The following CTXN2 variants were observed in gnomAD, a reference collection of about 807,000 sequenced individuals.
CTXN2 encodes cortexin 2.
In CTXN2, 3 loss-of-function variants were observed where a neutral mutation model predicts 5.7. The ratio of observed to expected loss-of-function variants is 0.53; its 90% CI spans 0.24 to 1.36. CTXN2 has a LOEUF of 1.36. Among genes scored for constraint, CTXN2 ranks in the 40% most tolerant of loss-of-function variants. The probability of loss-of-function intolerance (pLI) is 0.17; values close to 1 mark genes in which losing one functional copy is unlikely to be tolerated. For synonymous variants in CTXN2, 38 were observed against 36.4 expected, an observed-to-expected ratio of 1.04 and a Z score of -0.16; for missense variants, 87 against 93.0, an observed-to-expected ratio of 0.94 and a Z score of 0.26.
At chr15:48,194,593 C>T (rs1251163631) in intron 1 of CTXN2, among the ~76,000 whole-genome samples, 5 of 152,090 alleles carry the variant, frequency 3.3e-5, no homozygotes, top group African/African-American at 1.2e-4. Flanking sequence ...GCCCTAGCCT[C>T]CTTTATTATA....
chr15:48,183,144 C>T (rs2040714753), intron 1 of CTXN2, among the ~76,000 whole-genome samples: 3 of 152,140 alleles, frequency 2.0e-5, no homozygotes, highest in South Asian at 2.1e-4. Flanking sequence ...AGGGCAAAAA[C>T]GATGCTAAGT....
At chr15:48,192,845 G>A (rs2040837020) in intron 1 of CTXN2, among the ~76,000 whole-genome samples, 1 of 152,042 alleles carries the variant, frequency 6.6e-6, no homozygotes, top group South Asian at 2.1e-4. Context: ...TCTTTAATGG[G>A]TACACACTTT....
chr15:48,192,064 A>G (rs1366159462), intron 1 of CTXN2: 2 of 303,210 alleles, frequency 6.6e-6, no homozygotes, highest in Admixed American at 8.1e-5. Flanking sequence ...TGCTAGCGCC[A>G]CTGCTGATGC....
intron 1 of CTXN2, among the ~76,000 whole-genome samples, chr15:48,198,324 C>T (rs2040898289): frequency 6.6e-6 from 1 of 151,976 alleles, no homozygotes; most frequent in Non-Finnish European, 1.5e-5. Flanking sequence ...TATCTAAAAA[C>T]TAGAGTTTTG....
upstream of CTXN2, among the ~76,000 whole-genome samples, chr15:48,188,526 T>C (rs1198417136): frequency 6.6e-6 from 1 of 152,322 alleles, no homozygotes; most frequent in Middle Eastern, 3.4e-3. Flanking sequence ...ACCAACACTT[T>C]AGTAACAGCT....
upstream of CTXN2, among the ~76,000 whole-genome samples, chr15:48,191,282 C>T (rs1403309593): frequency 6.6e-6 from 1 of 152,134 alleles, no homozygotes; most frequent in Non-Finnish European, 1.5e-5. Context: ...CGCAGCACAG[C>T]CAGGAATGCA....
chr15:48,180,038 A>T (rs923996160), intron 1 of CTXN2, among the ~76,000 whole-genome samples: 8 of 152,226 alleles, frequency 5.3e-5, no homozygotes, highest in Non-Finnish European at 1.2e-4. Flanking sequence ...CTGTTGGGAG[A>T]GGGCTAATGT....
At chr15:48,198,556 T>C (rs1389669953) in intron 1 of CTXN2, among the ~76,000 whole-genome samples, 3 of 152,208 alleles carry the variant, frequency 2.0e-5, no homozygotes, top group African/African-American at 7.2e-5. Context: ...ATGATGGACA[T>C]ATTATATTCT....
chr15:48,197,980 T>A (rs935422713), intron 1 of CTXN2, among the ~76,000 whole-genome samples: 1 of 152,078 alleles, frequency 6.6e-6, no homozygotes, highest in South Asian at 2.1e-4. Flanking sequence ...ATACCAGAAA[T>A]CTTAAGCTAA....
At chr15:48,193,281 C>T (rs1325356402) in intron 1 of CTXN2, among the ~76,000 whole-genome samples, 3 of 152,032 alleles carry the variant, frequency 2.0e-5, no homozygotes, top group Non-Finnish European at 2.9e-5. Flanking sequence ...GAATATGGCT[C>T]AAGACAATAT....
chr15:48,197,301 G>A (rs1216883966), intron 1 of CTXN2, among the ~76,000 whole-genome samples: 2 of 152,006 alleles, frequency 1.3e-5, no homozygotes, highest in Admixed American at 1.3e-4. Flanking sequence ...GTCTCCTTAG[G>A]GAAGCCTTTG....
At chr15:48,186,541 TA>T (rs2040757336) in intron 1 of CTXN2, among the ~76,000 whole-genome samples, 2 of 152,016 alleles carry the variant, frequency 1.3e-5, no homozygotes, top group Non-Finnish European at 2.9e-5. Flanking sequence ...TATCAGATGG[TA>T]AAAATGACCT....
intron 1 of CTXN2, chr15:48,178,554 G>T (rs937854817): frequency 3.2e-6 from 1 of 310,536 alleles, no homozygotes; most frequent in Admixed American, 5.2e-5. Flanking sequence ...CTGCCCACCA[G>T]CCCGCCTGTC....
intron 1 of CTXN2, among the ~76,000 whole-genome samples, chr15:48,195,559 G>GA (rs1433089859): frequency 1.3e-5 from 2 of 152,028 alleles, no homozygotes; most frequent in African/African-American, 2.4e-5. Context: ...ACTGTGCTCT[G>GA]AAAAAATCCA....
At chr15:48,185,868 T>G (rs2140970510) in intron 1 of CTXN2, among the ~76,000 whole-genome samples, 1 of 152,286 alleles carries the variant, frequency 6.6e-6, no homozygotes, top group East Asian at 1.9e-4. Context: ...GGACTTAGAG[T>G]GCAACTGCTT....
upstream of CTXN2, chr15:48,189,565 A>G (rs1161589301): frequency 6.6e-6 from 1 of 152,220 alleles, no homozygotes; most frequent in Non-Finnish European, 1.5e-5. Flanking sequence ...ACTCAACTAT[A>G]CCACTGGTCC....
At chr15:48,197,399 A>T (rs2040889794) in intron 1 of CTXN2, among the ~76,000 whole-genome samples, 1 of 152,000 alleles carries the variant, frequency 6.6e-6, no homozygotes, top group East Asian at 1.9e-4. Flanking sequence ...AGCCTTTATG[A>T]CTATGAGTAC....
chr15:48,192,182 G>T (rs931550180), intron 1 of CTXN2: 2 of 196,426 alleles, frequency 1.0e-5, no homozygotes, highest in East Asian at 1.3e-4. Flanking sequence ...CGTAGAAAGA[G>T]ACCTGGAAAC....
Position 48,202,632 on chromosome 15 carries a change from A to G in CTXN2, c.*1086A>G, listed in dbSNP as rs1043377841. ...ATATTGAGAGGGCCAATTAGATATAATGAATGTGAAAGCATTTTGTAAACC... is the reference window on the plus strand; with the variant it reads ...ATATTGAGAGGGCCAATTAGATATAGTGAATGTGAAAGCATTTTGTAAACC... On this transcript the variant is annotated 3_prime_UTR_variant, in exon 2 of 2. Coordinates refer to ENST00000417307, the MANE Select transcript of CTXN2 (RefSeq NM_001145668.2). 1 of 167,024 alleles carries G rather than the reference A, an allele frequency of 6.0e-6. No homozygotes were observed. Among genetic ancestry groups the G allele is most frequent in the African/African-American group, 2.4e-5 (1 of 41,458 alleles). The allele number at this position is 167,024 out of a possible 1,614,324, so 10.3% of individuals were successfully genotyped here.
Sources: gnomAD v4.1 joint callset for allele counts (sites outside exome capture counted in the v4.1 genomes callset) on GRCh38, gnomAD v4.1.1 for gene constraint, MANE v1.5 for transcripts, NCBI Gene and HGNC (gene_info 2026-07-23, HGNC 2026-07-21) for gene names.